Variants in PRIMPOL observed in about 807,000 individuals in gnomAD.
The protein encoded by PRIMPOL is primase and DNA directed polymerase, also known as DNA-directed primase/polymerase protein.
A neutral mutation model predicts 63.6 loss-of-function variants in PRIMPOL; 54 were observed. That is an observed-to-expected ratio of 0.85 (90% confidence interval 0.68 to 1.07). PRIMPOL has a LOEUF of 1.07. PRIMPOL is among the 50% of genes least tolerant of loss of function. The probability of loss-of-function intolerance (pLI) is 0.00; values close to 1 mark genes in which losing one functional copy is unlikely to be tolerated. For missense variants in PRIMPOL, 610 were observed against 648.3 expected, an observed-to-expected ratio of 0.94 and a Z score of 0.64; for synonymous variants, 197 against 220.2, an observed-to-expected ratio of 0.89 and a Z score of 0.93.
At chr4:184,685,296 G>A (rs1406774352) in intron 9 of PRIMPOL, 113 bp from the exon 10 acceptor site, 1 of 738,502 alleles carries the variant, frequency 1.4e-6, no homozygotes, top group African/African-American at 1.7e-5. Flanking sequence ...TGCAAAGAGT[G>A]AGGGAAGGCT....
intron 5 of PRIMPOL, among the ~76,000 whole-genome samples, chr4:184,662,280 A>G (rs1201345358): frequency 2.6e-5 from 4 of 152,200 alleles, no homozygotes; most frequent in Admixed American, 6.5e-5. Context: ...GAACCTCAAG[A>G]ACACTGACTA....
chr4:184,673,741 G>A (rs1021793825), intron 7 of PRIMPOL, among the ~76,000 whole-genome samples: 2 of 152,224 alleles, frequency 1.3e-5, no homozygotes, highest in African/African-American at 4.8e-5. Flanking sequence ...CATTTTTGCT[G>A]TTGGCTGTGA....
chr4:184,651,735 G>A (rs2150010842), intron 1 of PRIMPOL, among the ~76,000 whole-genome samples: 2 of 152,108 alleles, frequency 1.3e-5, no homozygotes, highest in South Asian at 2.1e-4. Flanking sequence ...TGCAACCTCC[G>A]CCTCCCGGGT....
Position 184,678,270 on chromosome 4 carries a change from T to G in PRIMPOL, c.883T>G (p.Ser295Ala), listed in dbSNP as rs1261034339. The G allele has an allele frequency of 1.3e-6, 2 of 1,599,698 alleles. No individual in the cohort carries two copies. Among genetic ancestry groups the G allele is most frequent in the South Asian group, 2.3e-5 (2 of 87,606 alleles). ...TRNRNFRLYKSSKIGKRVALE... is the reference protein window; with the variant it reads ...TRNRNFRLYKASKIGKRVALE... ...AAATAGAAACTTTCGGCTATATAAA[T>G]CATCAAAAATTGGAAAGCGTGTGGC... Residue 295 changes from serine to alanine, a missense_variant, in exon 8 of 14, where the codon TCA becomes GCA. Coordinates refer to ENST00000314970, the MANE Select transcript of PRIMPOL (RefSeq NM_152683.4).
intron 8 of PRIMPOL, among the ~76,000 whole-genome samples, chr4:184,680,400 C>G (rs1172055571): frequency 6.6e-6 from 1 of 152,106 alleles, no homozygotes; most frequent in East Asian, 1.9e-4. Flanking sequence ...GTTGGGGGGG[C>G]CGGTCTCAAA....
chr4:184,682,522 A>G (rs1453837940), intron 9 of PRIMPOL, among the ~76,000 whole-genome samples, 186 bp downstream of exon 9: 2 of 151,806 alleles, frequency 1.3e-5, no homozygotes, highest in Non-Finnish European at 2.9e-5. Flanking sequence ...TAATTTTTGC[A>G]TTTTTAGTAG....
intron 11 of PRIMPOL, among the ~76,000 whole-genome samples, chr4:184,687,648 CT>C (rs1273687300): frequency 6.6e-6 from 1 of 151,988 alleles, no homozygotes; most frequent in Non-Finnish European, 1.5e-5. Flanking sequence ...GAGTTTTGCT[CT>C]TGTCGCCCAG....
chr4:184,657,823 GTC>G (rs1488212590), intron 3 of PRIMPOL, among the ~76,000 whole-genome samples: 1 of 151,976 alleles, frequency 6.6e-6, no homozygotes. Context: ...GAGAAACCCT[GTC>G]TCTACTATAA....
At chr4:184,692,471 C>CAAAAAAAAAAAAAAAAAAAAAAAA (rs60321808) in intron 13 of PRIMPOL, among the ~76,000 whole-genome samples, 4 of 73,804 alleles carry the variant, frequency 5.4e-5, no homozygotes, top group East Asian at 5.2e-4. Context: ...GACTCTGCCT[C>CAAAAAAAAAAAAAAAAAAAAAAAA]AAAAAAAAAA....
chr4:184,656,960 A>G (rs556803447), intron 2 of PRIMPOL, 122 bp from the exon 3 acceptor site: 18 of 478,028 alleles, frequency 3.8e-5, no homozygotes, highest in South Asian at 1.4e-4. Context: ...ATTCTGTGGT[A>G]AAACTTCATG....
chr4:184,685,343 T>C, intron 9 of PRIMPOL, 66 bp from the exon 10 acceptor site: 5 of 1,203,788 alleles, frequency 4.2e-6, no homozygotes, highest in Non-Finnish European at 6.2e-6. Flanking sequence ...CTCAACAACA[T>C]TTAATCAAAA....
chr4:184,690,845 C>T (rs555125760), intron 11 of PRIMPOL, among the ~76,000 whole-genome samples: 3 of 152,278 alleles, frequency 2.0e-5, no homozygotes, highest in South Asian at 4.1e-4. Flanking sequence ...CAGGTCTAAG[C>T]GTTTTCTAAT....
chr4:184,656,823 G>T (rs1746595249), intron 2 of PRIMPOL, among the ~76,000 whole-genome samples: 1 of 152,178 alleles, frequency 6.6e-6, no homozygotes, highest in African/African-American at 2.4e-5. Context: ...TACTCAAGAT[G>T]ATATTGATTC....
At chr4:184,657,891 G>C (rs191918494) in intron 3 of PRIMPOL, among the ~76,000 whole-genome samples, 1 of 152,176 alleles carries the variant, frequency 6.6e-6, no homozygotes, top group East Asian at 1.9e-4. Context: ...TACTCCCAAG[G>C]CTGAGGCAGG....
Position 184,661,796 on chromosome 4 carries a change from G to T in PRIMPOL, c.301G>T (p.Glu101Ter). The change falls in exon 5 of 14, where the codon GAA (glutamate) becomes TAA (stop). Residue 101 changes from glutamate (E) to a stop codon, truncating the protein, a stop_gained. Transcript: ENST00000314970. LOFTEE classifies it high-confidence loss of function. ...TAGAAAAAATCTCTTACACTGCTAT[G>T]AAGTTATTCCTGAAAATGCTGTGTG... ...KSRKNLLHCY[E>*]VIPENAVCKL... The T allele has an allele frequency of 6.2e-7, 1 of 1,611,352 alleles. No homozygotes were observed. The highest frequency in any genetic ancestry group is 8.5e-7 in the Non-Finnish European group (1 of 1,177,964).
At chr4:184,658,613 A>G (rs1368256715) in intron 3 of PRIMPOL, among the ~76,000 whole-genome samples, 1 of 152,112 alleles carries the variant, frequency 6.6e-6, no homozygotes, top group African/African-American at 2.4e-5. Context: ...AACCTTTAAA[A>G]AAATGGTTCC....
intron 2 of PRIMPOL, among the ~76,000 whole-genome samples, chr4:184,654,054 C>A (rs1197508738): frequency 6.6e-6 from 1 of 152,160 alleles, no homozygotes; most frequent in Non-Finnish European, 1.5e-5. Flanking sequence ...CATGGTTTCC[C>A]CAGTTCAGTG....
chr4:184,688,806 G>A (rs1356911152), intron 11 of PRIMPOL, among the ~76,000 whole-genome samples: 1 of 152,124 alleles, frequency 6.6e-6, no homozygotes, highest in Admixed American at 6.5e-5. Flanking sequence ...AACTCCTAGC[G>A]TTTGGTCCAG....
In PRIMPOL at chr4:184,672,575, G is replaced by A. The variant is rs553051581; in HGVS notation, c.844+115G>A. 38 of 1,017,018 alleles carry A rather than the reference G, an allele frequency of 3.7e-5. No homozygotes were observed. In the Admixed American group the frequency reaches 7.0e-4, roughly 19 times the overall value. 63.0% of individuals were successfully genotyped at this position (1,017,018 alleles called of 1,614,324 possible). On this transcript the variant is annotated intron_variant, in intron 7 of 13. Coordinates refer to ENST00000314970, the MANE Select transcript of PRIMPOL (RefSeq NM_152683.4). ...TCTTGCTTCCTCCACTGCCCAAGTC[G>A]CCAGCACGATGCAACCAGTGAGTTC...
Sources: gnomAD v4.1 joint callset for allele counts (sites outside exome capture counted in the v4.1 genomes callset) on GRCh38, gnomAD v4.1.1 for gene constraint, MANE v1.5 for transcripts, NCBI Gene and HGNC (gene_info 2026-07-23, HGNC 2026-07-21) for gene names.